Variants in IMMP2L observed in about 807,000 individuals in gnomAD.
IMMP2L encodes the protein inner mitochondrial membrane peptidase subunit 2.
A neutral mutation model predicts 19.3 loss-of-function variants in IMMP2L; 18 were observed. The observed-to-expected ratio is 0.93, with a 90% CI of 0.64 to 1.38. The LOEUF is 1.38. Ranked by LOEUF, IMMP2L falls within the 40% of genes most tolerant of loss-of-function variation. The probability of loss-of-function intolerance (pLI) is 0.00; values close to 1 mark genes in which losing one functional copy is unlikely to be tolerated. For synonymous variants in IMMP2L, 76 were observed against 73.0 expected, an observed-to-expected ratio of 1.04 and a Z score of -0.21; for missense variants, 233 against 218.2, an observed-to-expected ratio of 1.07 and a Z score of -0.43.
chr7:110,880,153 T>C (rs2129544821), intron 5 of IMMP2L, among the ~76,000 whole-genome samples: 1 of 152,178 alleles, frequency 6.6e-6, no homozygotes, highest in East Asian at 1.9e-4. Context: ...GTTAGACAAA[T>C]CTTAATATAC....
rs539821330 is a variant in IMMP2L at position 111,518,225 on chromosome 7, C to T, written c.135+3088G>A. Among the ~76,000 whole-genome samples, 1,176 of 152,154 alleles carry T rather than the reference C, an allele frequency of 7.7e-3. 12 individuals are homozygous for T. The highest frequency in any genetic ancestry group is 0.012 in the Non-Finnish European group (803 of 67,966). ...TCATAGAGGGAATCTTAAAAACATGCTTCCCCTAATCACAAACCAACAGAA... is the reference window on the plus strand; with the variant it reads ...TCATAGAGGGAATCTTAAAAACATGTTTCCCCTAATCACAAACCAACAGAA... On this transcript the variant is annotated intron_variant, in intron 2 of 5. Coordinates refer to ENST00000405709, the MANE Select transcript of IMMP2L (RefSeq NM_032549.4).
chr7:110,963,406 C>T, intron 4 of IMMP2L, 94 bp downstream of exon 4: 1 of 837,124 alleles, frequency 1.2e-6, no homozygotes, highest in Non-Finnish European at 1.9e-6. Flanking sequence ...AAAACTTTGG[C>T]CCTCATGGAC....
At chr7:111,091,368 CTT>C (rs1188618106) in intron 3 of IMMP2L, 2 of 152,222 alleles carry the variant, frequency 1.3e-5, no homozygotes, top group African/African-American at 2.4e-5. Flanking sequence ...ATTTTGTACA[CTT>C]TGTTACACAG....
intron 5 of IMMP2L, among the ~76,000 whole-genome samples, chr7:110,692,379 C>T (rs1177274196): frequency 2.0e-5 from 3 of 150,292 alleles, no homozygotes; most frequent in Admixed American, 6.6e-5. Context: ...GGATAAAAAA[C>T]TGCATGTTAG....
intron 1 of IMMP2L, among the ~76,000 whole-genome samples, chr7:111,544,102 A>G (rs1050884274): frequency 1.3e-4 from 20 of 152,180 alleles, no homozygotes; most frequent in African/African-American, 4.1e-4. Flanking sequence ...TTGTAGGGAC[A>G]TGGATGAAGC....
chr7:111,224,976 A>G (rs760937947), intron 3 of IMMP2L, among the ~76,000 whole-genome samples: 1 of 152,164 alleles, frequency 6.6e-6, no homozygotes, highest in Non-Finnish European at 1.5e-5. Flanking sequence ...GAAATGGCAA[A>G]TACACATAAA....
intron 5 of IMMP2L, among the ~76,000 whole-genome samples, chr7:110,719,241 T>C (rs759576038): frequency 1.4e-4 from 22 of 152,188 alleles, no homozygotes; most frequent in Admixed American, 6.5e-5. Context: ...TGTTACAAAT[T>C]GGTCTCATGC....
At chr7:111,047,351 C>G (rs1480205111) in intron 3 of IMMP2L, among the ~76,000 whole-genome samples, 2 of 151,954 alleles carry the variant, frequency 1.3e-5, no homozygotes, top group Non-Finnish European at 2.9e-5. Flanking sequence ...CCATTCCTGG[C>G]TAATTTTTGT....
intron 3 of IMMP2L, among the ~76,000 whole-genome samples, chr7:111,445,543 G>T (rs189823482): frequency 6.6e-6 from 1 of 152,204 alleles, no homozygotes; most frequent in East Asian, 1.9e-4. Context: ...AACTTTAAAG[G>T]ACTAATGGAG....
Position 111,005,632 on chromosome 7 carries a change from T to C in IMMP2L, c.240-42067A>G, listed in dbSNP as rs372980755. Reference sequence around the variant, plus strand: ...CACTTACTGTGTTCCTGTAAGGGTGTCACAATCATAAACGACCAAGATTAG... The same window carrying C: ...CACTTACTGTGTTCCTGTAAGGGTGCCACAATCATAAACGACCAAGATTAG... On this transcript the variant is annotated intron_variant, in intron 3 of 5. Coordinates refer to ENST00000405709, the MANE Select transcript of IMMP2L (RefSeq NM_032549.4). Among the ~76,000 whole-genome samples the C allele has an allele frequency of 2.0e-5, 3 of 152,146 alleles. No individual in the cohort carries two copies. The East Asian group carries it at 5.8e-4, about 29-fold the overall frequency.
At chr7:110,693,482 T>C (rs767057420) in intron 5 of IMMP2L, among the ~76,000 whole-genome samples, 1 of 152,210 alleles carries the variant, frequency 6.6e-6, no homozygotes, top group Non-Finnish European at 1.5e-5. Flanking sequence ...GTTCTCTATC[T>C]GTATTTACTC....
chr7:110,689,352 AT>A (rs140963494), intron 5 of IMMP2L, among the ~76,000 whole-genome samples: 5,650 of 151,866 alleles, frequency 0.037, 213 homozygotes, highest in African/African-American at 0.098. Flanking sequence ...TTTTCCATCT[AT>A]TTTCCATTTT....
Position 110,752,420 on chromosome 7 carries a change from C to G in IMMP2L, c.409-88699G>C, listed in dbSNP as rs575026845. Among the ~76,000 whole-genome samples the G allele has an allele frequency of 2.0e-5, 3 of 152,040 alleles. No homozygotes were observed. The East Asian group carries it at 5.8e-4, about 29-fold the overall frequency. ...TTTCTGTGTCCTAGATTATGAGACA[C>G]TATAATTACCAACTTTTCTATTTAT... On this transcript the variant is annotated intron_variant, in intron 5 of 5. Coordinates refer to ENST00000405709, the MANE Select transcript of IMMP2L (RefSeq NM_032549.4).
chr7:111,337,941 G>A (rs896292797), intron 3 of IMMP2L, among the ~76,000 whole-genome samples: 16 of 151,748 alleles, frequency 1.1e-4, no homozygotes, highest in Non-Finnish European at 1.9e-4. Flanking sequence ...GAGATACAAA[G>A]AAATAAAAAG....
At chr7:110,822,486 G>C (rs967290760) in intron 5 of IMMP2L, among the ~76,000 whole-genome samples, 2 of 152,040 alleles carry the variant, frequency 1.3e-5, no homozygotes, top group Admixed American at 1.3e-4. Flanking sequence ...CCTGTTTGCT[G>C]TAAACACCTC....
chr7:111,519,759 C>T (rs912811683), intron 2 of IMMP2L, among the ~76,000 whole-genome samples: 58 of 152,134 alleles, frequency 3.8e-4, no homozygotes, highest in Non-Finnish European at 1.3e-4. Context: ...TTATGATTGC[C>T]ACATGATCCT....
intron 1 of IMMP2L, among the ~76,000 whole-genome samples, chr7:111,535,640 A>G (rs1448822875): frequency 6.6e-6 from 1 of 152,156 alleles, no homozygotes; most frequent in Non-Finnish European, 1.5e-5. Flanking sequence ...AAGGGTATAG[A>G]GTCAAATACT....
intron 3 of IMMP2L, among the ~76,000 whole-genome samples, chr7:111,275,318 C>T (rs1000877694): frequency 6.6e-6 from 1 of 152,150 alleles, no homozygotes; most frequent in Non-Finnish European, 1.5e-5. Flanking sequence ...TACCAACAAA[C>T]TCAAATATTT....
intron 4 of IMMP2L, among the ~76,000 whole-genome samples, chr7:110,917,571 C>T (rs980262700): frequency 6.6e-6 from 1 of 152,082 alleles, no homozygotes; most frequent in Admixed American, 6.6e-5. Context: ...AGATCTGACT[C>T]CAGTCCATGC....
Sources: allele counts gnomAD v4.1 joint callset (sites outside exome capture counted in the v4.1 genomes callset), GRCh38; gene constraint gnomAD v4.1.1; transcripts MANE v1.5; gene names NCBI Gene and HGNC (gene_info 2026-07-23, HGNC 2026-07-21).